CPEB3: variants seen among roughly 807,000 people sequenced by gnomAD.
The protein encoded by CPEB3 is cytoplasmic polyadenylation element binding protein 3, also known as cytoplasmic polyadenylation element-binding protein 3.
In CPEB3, 20 loss-of-function variants were observed where a neutral mutation model predicts 67.2. That is an observed-to-expected ratio of 0.30 (90% CI 0.21 to 0.43). The LOEUF is 0.43. Among genes scored for constraint, CPEB3 ranks in the 20% least tolerant of loss-of-function variants. The pLI, the probability that CPEB3 is intolerant of heterozygous loss-of-function variation, is 1.00. For synonymous variants in CPEB3, 376 were observed against 393.1 expected (o/e 0.96, Z 0.51); for missense variants, 746 against 968.6 (o/e 0.77, Z 3.05).
At chr10:92,057,817 T>C (rs967407218) in intron 9 of CPEB3, among the ~76,000 whole-genome samples, 2 of 152,312 alleles carry the variant, frequency 1.3e-5, no homozygotes, top group Middle Eastern at 3.4e-3. Context: ...ATGCAGAGAA[T>C]TCTCCCAGAT....
At chr10:92,169,500 C>A (rs368941912) in intron 4 of CPEB3, among the ~76,000 whole-genome samples, 1 of 152,284 alleles carries the variant, frequency 6.6e-6, no homozygotes, top group African/African-American at 2.4e-5. Context: ...CTTCTCTCCC[C>A]CAGTAAAGAC....
At chr10:92,251,231 C>CA (rs991026551) in intron 1 of CPEB3, among the ~76,000 whole-genome samples, 2 of 152,078 alleles carry the variant, frequency 1.3e-5, no homozygotes, top group Non-Finnish European at 2.9e-5. Flanking sequence ...ACAACTGACA[C>CA]AAAAAAATCA....
chr10:92,148,022 C>T (rs1406790898), intron 4 of CPEB3, among the ~76,000 whole-genome samples: 1 of 152,170 alleles, frequency 6.6e-6, no homozygotes. Context: ...AGTAAATAGT[C>T]TGTTTAGTCT....
chr10:92,084,164 CAA>C (rs58877359), intron 8 of CPEB3, among the ~76,000 whole-genome samples: 38 of 94,026 alleles, frequency 4.0e-4, no homozygotes, highest in Non-Finnish European at 1.9e-4. Context: ...GACTCTGTCT[CAA>C]AAAAAAAAAA....
At chr10:92,126,886 C>G (rs1426443495) in intron 6 of CPEB3, among the ~76,000 whole-genome samples, 1 of 152,166 alleles carries the variant, frequency 6.6e-6, no homozygotes, top group Non-Finnish European at 1.5e-5. Flanking sequence ...CTTTAAGGAA[C>G]TTTCCACCTC....
At chr10:92,182,600 C>A (rs1012622187) in intron 3 of CPEB3, among the ~76,000 whole-genome samples, 8 of 152,134 alleles carry the variant, frequency 5.3e-5, no homozygotes, top group African/African-American at 1.9e-4. Context: ...CCGAGGAGGG[C>A]AGATCATCTG....
rs746122620 is a variant in CPEB3, at chr10:92,252,993, A to AG, written c.-11-12633dup. On this transcript the variant is annotated intron_variant, in intron 1 of 9. Transcript: ENST00000265997. ...GGCTGGAGTGAAGTGGTGTGATGACAGCTCACTGCAACCTCCAACTTAAAG... is the reference window on the plus strand; with the variant it reads ...GGCTGGAGTGAAGTGGTGTGATGACAGGCTCACTGCAACCTCCAACTTAAAG... 3.3e-5 allele frequency among the ~76,000 whole-genome samples: 5 copies of AG among 152,000 alleles called. 1 individual carries two copies. In the East Asian group the frequency reaches 9.6e-4, roughly 29 times the overall value.
chr10:92,214,697 G>A (rs1180139957), intron 2 of CPEB3, among the ~76,000 whole-genome samples: 1 of 151,978 alleles, frequency 6.6e-6, no homozygotes, highest in Non-Finnish European at 1.5e-5. Flanking sequence ...TATTGGCCAG[G>A]CTGGTCTCAA....
chr10:92,109,577 A>C (rs1295177934), intron 7 of CPEB3, among the ~76,000 whole-genome samples: 1 of 151,990 alleles, frequency 6.6e-6, no homozygotes, highest in African/African-American at 2.4e-5. Context: ...GTGTGTGTGG[A>C]GGGGGACTTG....
Position 92,239,459 on chromosome 10 carries a change from T to G in CPEB3, c.892A>C (p.Ser298Arg). ...PISPLKKPFS[S>R]NVIAPPKFPR... ...AACTTGGGCGGCGCGATCACGTTGC[T>G]GGAGAAGGGCTTTTTGAGCGGCGAG... The change falls in exon 2 of 10, where the codon AGC (serine) becomes CGC (arginine). Residue 298 changes from serine to arginine, a missense_variant. By Grantham distance (110) the Ser-to-Arg change is moderately radical. Transcript: ENST00000265997. The surrounding 1 kb of genome is among the most constrained non-coding windows in gnomAD (Gnocchi z 6.0). 2.5e-6 allele frequency: 4 copies of G among 1,597,584 alleles called. No individual in the cohort carries two copies. The highest frequency in any genetic ancestry group is 3.4e-6 in the Non-Finnish European group (4 of 1,171,792).
intron 6 of CPEB3, among the ~76,000 whole-genome samples, chr10:92,128,983 T>A (rs1178930912): frequency 6.6e-6 from 1 of 152,208 alleles, no homozygotes; most frequent in Non-Finnish European, 1.5e-5. Context: ...AGCAAACCCA[T>A]TACTGGGTAT....
At chr10:92,216,469 G>T in intron 2 of CPEB3, 1 of 1,612,966 alleles carries the variant, frequency 6.2e-7, no homozygotes, top group Middle Eastern at 1.8e-4. Flanking sequence ...TCAAGCGGAA[G>T]CTCTACAAAT....
At chr10:92,178,676 A>G (rs550490601) in intron 4 of CPEB3, among the ~76,000 whole-genome samples, 1 of 152,322 alleles carries the variant, frequency 6.6e-6, no homozygotes, top group East Asian at 1.9e-4. Flanking sequence ...CTTTATCTCT[A>G]TAAAATATAA....
intron 8 of CPEB3, among the ~76,000 whole-genome samples, chr10:92,089,304 T>G (rs1333276278): frequency 5.3e-5 from 8 of 152,128 alleles, no homozygotes; most frequent in African/African-American, 1.9e-4. Context: ...AAACTAGAAG[T>G]CTTGGGATGA....
At chr10:92,145,593 C>T (rs1846641148) in intron 4 of CPEB3, among the ~76,000 whole-genome samples, 1 of 151,232 alleles carries the variant, frequency 6.6e-6, no homozygotes, top group Non-Finnish European at 1.5e-5. Flanking sequence ...CAAGATCGTG[C>T]CATTGCACTC....
intron 2 of CPEB3, chr10:92,216,742 GGCTTACGAC>G (rs1421174352): frequency 6.2e-7 from 1 of 1,609,322 alleles, no homozygotes; most frequent in Non-Finnish European, 8.5e-7. Flanking sequence ...AGTACCAGGA[GGCTTACGAC>G]GAGTGCCTGG....
chr10:92,211,269 A>G (rs1564871290), intron 2 of CPEB3, among the ~76,000 whole-genome samples: 1 of 152,218 alleles, frequency 6.6e-6, no homozygotes, highest in African/African-American at 2.4e-5. Context: ...GTGAAGGCTT[A>G]GTCTGGTAGA....
At chr10:92,207,206 C>A (rs1849833875) in intron 2 of CPEB3, among the ~76,000 whole-genome samples, 1 of 152,122 alleles carries the variant, frequency 6.6e-6, no homozygotes, top group African/African-American at 2.4e-5. Context: ...TGGTCTAAAT[C>A]TCCTGGGCTC....
intron 2 of CPEB3, among the ~76,000 whole-genome samples, chr10:92,228,558 C>T (rs534640253): frequency 6.6e-6 from 1 of 152,198 alleles, no homozygotes; most frequent in East Asian, 1.9e-4. Flanking sequence ...TATTCCCTCC[C>T]ATCCTTAATC....
Sources: gnomAD v4.1 joint callset for allele counts (sites outside exome capture counted in the v4.1 genomes callset) on GRCh38, gnomAD v4.1.1 for gene constraint, Gnocchi (gnomAD v3.1) non-coding constraint, MANE v1.5 for transcripts, NCBI Gene and HGNC (gene_info 2026-07-23, HGNC 2026-07-21) for gene names.